Variants in LMBR1 observed in about 807,000 individuals in gnomAD.
LMBR1 encodes limb development membrane protein 1, also known as limb region 1 protein homolog.
Under a neutral mutation model 73.9 loss-of-function variants are expected in LMBR1, and 52 were observed. That is an observed-to-expected ratio of 0.70 (90% CI 0.56 to 0.89). The LOEUF (loss-of-function observed/expected upper bound fraction) is 0.89, where lower values mean the gene tolerates loss of function less well. Ranked by LOEUF, LMBR1 falls within the 40% of genes least tolerant of loss-of-function variation. LMBR1 has a pLI of 0.00. For synonymous variants in LMBR1, 215 were observed against 209.4 expected (o/e 1.03, Z -0.23); for missense variants, 539 against 579.8 (o/e 0.93, Z 0.72).
intron 5 of LMBR1, among the ~76,000 whole-genome samples, chr7:156,772,267 C>G (rs1825332555): frequency 1.3e-5 from 2 of 151,984 alleles, no homozygotes; most frequent in Non-Finnish European, 2.9e-5. Flanking sequence ...GAGCGAGACT[C>G]CATCTCAAAA....
At chr7:156,719,410 T>C (rs1265938398) in intron 15 of LMBR1, among the ~76,000 whole-genome samples, 1 of 152,066 alleles carries the variant, frequency 6.6e-6, no homozygotes, top group Non-Finnish European at 1.5e-5. Context: ...GTTCCAAGTC[T>C]TTGCTATTGT....
At chr7:156,723,884 G>C (rs1815143762) in intron 15 of LMBR1, among the ~76,000 whole-genome samples, 5 of 152,084 alleles carry the variant, frequency 3.3e-5, no homozygotes, top group Admixed American at 3.3e-4. Flanking sequence ...CCCGTTGTTT[G>C]GAGAAAGAAT....
intron 9 of LMBR1, among the ~76,000 whole-genome samples, chr7:156,749,160 A>C (rs1314858461): frequency 6.6e-6 from 1 of 152,228 alleles, no homozygotes; most frequent in Non-Finnish European, 1.5e-5. Context: ...TCAGTGACGT[A>C]ACTAACAGCA....
intron 1 of LMBR1, among the ~76,000 whole-genome samples, chr7:156,880,553 A>G (rs1007663311): frequency 3.3e-5 from 5 of 152,188 alleles, no homozygotes; most frequent in Admixed American, 3.3e-4. Context: ...AGACAAAGGG[A>G]AAGACACCCT....
At chr7:156,675,867 G>A (rs1262616409), downstream of LMBR1, 1 of 1,610,070 alleles carries the variant, frequency 6.2e-7, no homozygotes, top group Non-Finnish European at 8.5e-7. Context: ...AGTGCAGGTA[G>A]GTTTGGCTGG....
chr7:156,803,810 G>GC (rs1831473979), intron 4 of LMBR1, among the ~76,000 whole-genome samples: 1 of 151,902 alleles, frequency 6.6e-6, no homozygotes, highest in South Asian at 2.1e-4. Flanking sequence ...ATACTATGCA[G>GC]CCATAAAAAA....
chr7:156,819,674 C>T (rs1834451096), intron 4 of LMBR1, among the ~76,000 whole-genome samples: 2 of 152,218 alleles, frequency 1.3e-5, no homozygotes, highest in South Asian at 4.1e-4. Context: ...CCAGACCGTT[C>T]GTGAACTTCT....
At chr7:156,802,661 T>C (rs113151257) in intron 4 of LMBR1, among the ~76,000 whole-genome samples, 2 of 152,062 alleles carry the variant, frequency 1.3e-5, no homozygotes, top group Non-Finnish European at 2.9e-5. Flanking sequence ...ATTTGATAAG[T>C]TTTGTCATGA....
At chr7:156,760,178 A>G (rs1005590456) in intron 8 of LMBR1, among the ~76,000 whole-genome samples, 1 of 152,198 alleles carries the variant, frequency 6.6e-6, no homozygotes, top group Admixed American at 6.5e-5. Context: ...GTTAAACTTT[A>G]AAATGGAGAA....
chr7:156,789,323 C>T (rs1488613975), intron 5 of LMBR1, among the ~76,000 whole-genome samples: 2 of 152,116 alleles, frequency 1.3e-5, no homozygotes, highest in African/African-American at 2.4e-5. Context: ...TTGTCTTTCT[C>T]GATGAGAATT....
At chr7:156,791,729 GT>G (rs1829265007) in intron 5 of LMBR1, among the ~76,000 whole-genome samples, 1 of 152,186 alleles carries the variant, frequency 6.6e-6, no homozygotes, top group Non-Finnish European at 1.5e-5. Context: ...TTTGTTTGAA[GT>G]TATAGGAGTT....
At chr7:156,757,946 AAAT>A (rs1250830678) in intron 8 of LMBR1, among the ~76,000 whole-genome samples, 2 of 152,240 alleles carry the variant, frequency 1.3e-5, no homozygotes, top group African/African-American at 4.8e-5. Flanking sequence ...ACAAATACTA[AAAT>A]AATAATCAAC....
Position 156,893,134 on chromosome 7 carries a change from A to G in LMBR1, c.-141T>C. The G allele has an allele frequency of 1.4e-6, 1 of 732,382 alleles. No individual in the cohort carries two copies. Among genetic ancestry groups the G allele is most frequent in the Non-Finnish European group, 1.9e-6 (1 of 526,060 alleles). 45.4% of individuals were successfully genotyped at this position (732,382 alleles called of 1,614,324 possible). The stretch of plus-strand genomic sequence containing the variant: ...GAGCCGTGTTGGAACAGGTACCGCG[A>G]CCACGACACCGGCCGTCGCCTCAGC... On this transcript the variant is annotated 5_prime_UTR_variant, in exon 1 of 17. Coordinates refer to ENST00000353442, the MANE Select transcript of LMBR1 (RefSeq NM_022458.4).
chr7:156,750,286 G>A (rs970714415), intron 9 of LMBR1, among the ~76,000 whole-genome samples: 1 of 145,358 alleles, frequency 6.9e-6, no homozygotes, highest in African/African-American at 2.7e-5. Context: ...AAGTGTGCGT[G>A]TGTGTGTGTA....
intron 4 of LMBR1, among the ~76,000 whole-genome samples, chr7:156,800,237 A>G (rs1830710285): frequency 6.6e-6 from 1 of 152,212 alleles, no homozygotes; most frequent in African/African-American, 2.4e-5. Flanking sequence ...GACAAGTTCA[A>G]TGTCTGGCTT....
chr7:156,718,927 G>T (rs189045219), intron 15 of LMBR1, among the ~76,000 whole-genome samples: 1 of 151,580 alleles, frequency 6.6e-6, no homozygotes, highest in Admixed American at 6.6e-5. Flanking sequence ...ACCTGAAACT[G>T]TAAAACTACT....
intron 1 of LMBR1, among the ~76,000 whole-genome samples, chr7:156,880,966 T>C (rs992300725): frequency 6.6e-6 from 1 of 152,218 alleles, no homozygotes; most frequent in Non-Finnish European, 1.5e-5. Context: ...AGTGGCATTT[T>C]TTTTTAACAG....
chr7:156,833,778 C>G lies in LMBR1; in HGVS notation c.154G>C (p.Glu52Gln), dbSNP rs1265166684. Residue 52 changes from glutamate (E) to glutamine (Q), a missense_variant, in exon 3 of 17, where the codon GAA (glutamate) becomes CAA (glutamine). Transcript: ENST00000353442. The part of the protein sequence containing the change: ...YKRKSDEQED[E>Q]DAIVNRISLF... Reference sequence around the variant, plus strand: ...GAAATCCTGTTGACGATGGCATCTTCATCTTCTTGTTCATCTGCAAAAATG... The same window carrying G: ...GAAATCCTGTTGACGATGGCATCTTGATCTTCTTGTTCATCTGCAAAAATG... 6.3e-7 allele frequency: 1 copy of G among 1,597,648 alleles called. No individual in the cohort carries two copies. The highest frequency in any genetic ancestry group is 8.5e-7 in the Non-Finnish European group (1 of 1,171,760).
intron 3 of LMBR1, among the ~76,000 whole-genome samples, chr7:156,828,014 T>C (rs1460666346): frequency 6.6e-6 from 1 of 152,236 alleles, no homozygotes; most frequent in Non-Finnish European, 1.5e-5. Context: ...CAGCCAGCTC[T>C]GGCAGCGACC....
Sources: allele counts gnomAD v4.1 joint callset (sites outside exome capture counted in the v4.1 genomes callset), GRCh38; gene constraint gnomAD v4.1.1; transcripts MANE v1.5; gene names NCBI Gene and HGNC (gene_info 2026-07-23, HGNC 2026-07-21).